The following COA1 variants were observed in gnomAD, a reference collection of about 807,000 sequenced individuals.
COA1 encodes the protein cytochrome c oxidase assembly factor 1 homolog.
Under a neutral mutation model 16.0 loss-of-function variants are expected in COA1, and 13 were observed. The observed-to-expected ratio is 0.81, with a 90% confidence interval of 0.53 to 1.29. COA1 has a LOEUF of 1.29. Ranked by LOEUF, COA1 falls within the 50% of genes most tolerant of loss-of-function variation. COA1 has a pLI of 0.00. For missense variants in COA1, 179 were observed against 177.0 expected (o/e 1.01, Z -0.06); for synonymous variants, 65 against 65.7 (o/e 0.99, Z 0.05).
chr7:43,683,467 C>T (rs1354946322), intron 1 of COA1, among the ~76,000 whole-genome samples: 2 of 151,912 alleles, frequency 1.3e-5, no homozygotes, highest in Non-Finnish European at 2.9e-5. Context: ...CTCATCTCTA[C>T]TAAAAAAATA....
At chr7:43,615,725 C>A (rs1289317936) in intron 6 of COA1, among the ~76,000 whole-genome samples, 1 of 152,202 alleles carries the variant, frequency 6.6e-6, no homozygotes, top group Non-Finnish European at 1.5e-5. Flanking sequence ...TTGCCTTGTG[C>A]TGTCGTCCAG....
chr7:43,721,386 A>T (rs185948996), intron 1 of COA1, among the ~76,000 whole-genome samples: 135 of 152,338 alleles, frequency 8.9e-4, no homozygotes, highest in African/African-American at 3.2e-3. Context: ...AAATCCTATT[A>T]TATAGCACAA....
chr7:43,647,833 C>T lies in COA1; in HGVS notation c.16-199G>A. On this transcript the variant is annotated intron_variant, in intron 2 of 5. Transcript: ENST00000223336. ...GAGTGCCCTCCTGAGGGTGCCCTCTCGAGAGTGGCCCATGTCCAGGACCCA... is the reference window on the plus strand; with the variant it reads ...GAGTGCCCTCCTGAGGGTGCCCTCTTGAGAGTGGCCCATGTCCAGGACCCA... 1.2e-5 allele frequency: 7 copies of T among 582,904 alleles called. No individual in the cohort carries two copies. The East Asian group carries it at 1.7e-4, about 14-fold the overall frequency. The allele number at this position is 582,904 out of a possible 1,614,324, so 36.1% of individuals were successfully genotyped here. A position where few individuals can be genotyped will look rare whatever the true frequency, so the allele number is the denominator to read the frequency against.
intron 1 of COA1, among the ~76,000 whole-genome samples, chr7:43,712,463 G>A (rs755661551): frequency 6.6e-5 from 10 of 151,994 alleles, no homozygotes; most frequent in Non-Finnish European, 1.2e-4. Context: ...ACACTTCCAG[G>A]GTGCTACATA....
chr7:43,722,577 A>G (rs2095530967), intron 1 of COA1, among the ~76,000 whole-genome samples: 1 of 150,450 alleles, frequency 6.6e-6, no homozygotes, highest in African/African-American at 2.5e-5. Context: ...TAATTTTTGT[A>G]TTTTTAGTAG....
intron 1 of COA1, among the ~76,000 whole-genome samples, chr7:43,695,877 C>T (rs1438288318): frequency 6.6e-6 from 1 of 152,196 alleles, no homozygotes; most frequent in African/African-American, 2.4e-5. Context: ...ACCCCAGGGC[C>T]TACAGCAACT....
intron 1 of COA1, among the ~76,000 whole-genome samples, chr7:43,726,556 T>C (rs1040493154): frequency 6.6e-6 from 1 of 152,230 alleles, no homozygotes; most frequent in African/African-American, 2.4e-5. Flanking sequence ...CCATACGGAA[T>C]GGCAAATTAT....
rs565188825 is a variant in COA1 at position 43,720,649 on chromosome 7, T to G, written c.-39+8780A>C. Among the ~76,000 whole-genome samples the G allele has an allele frequency of 1.6e-4, 24 of 152,326 alleles. No homozygotes were observed. The South Asian group carries it at 5.0e-3, about 32-fold the overall frequency. On this transcript the variant is annotated intron_variant, in intron 1 of 5. Transcript: ENST00000223336. ...GAGAGAGGTAAAGATGAAGTGGCCA[T>G]ATTTGAAAATATTTAGGAGGTAGAA...
intron 1 of COA1, among the ~76,000 whole-genome samples, chr7:43,691,327 A>G (rs188199380): frequency 0.019 from 1,692 of 90,356 alleles, 36 homozygotes; most frequent in Middle Eastern, 0.027. Context: ...GAAAGAAAGA[A>G]AGAGAAAGAG....
intron 1 of COA1, among the ~76,000 whole-genome samples, chr7:43,689,465 G>A (rs752174639): frequency 7.9e-5 from 12 of 152,156 alleles, no homozygotes; most frequent in Non-Finnish European, 1.0e-4. Flanking sequence ...TCAGCAGGCA[G>A]AATGTTTGGC....
chr7:43,629,352 G>C (rs1057478574), intron 6 of COA1, among the ~76,000 whole-genome samples: 5 of 152,084 alleles, frequency 3.3e-5, no homozygotes, highest in African/African-American at 1.2e-4. Flanking sequence ...GAAGCCTTGT[G>C]GATTTTTATT....
chr7:43,653,523 T>C (rs1027426924), intron 1 of COA1, among the ~76,000 whole-genome samples: 1 of 152,156 alleles, frequency 6.6e-6, no homozygotes, highest in Non-Finnish European at 1.5e-5. Flanking sequence ...ATACAAATGT[T>C]AGCGCTGACT....
chr7:43,677,816 A>AAAC (rs2093605109), intron 1 of COA1, among the ~76,000 whole-genome samples: 1 of 151,756 alleles, frequency 6.6e-6, no homozygotes, highest in African/African-American at 2.4e-5. Flanking sequence ...AAAAAAAAAA[A>AAAC]AAAAAAAAAT....
intron 1 of COA1, among the ~76,000 whole-genome samples, chr7:43,706,288 A>G (rs1242900124): frequency 1.3e-5 from 2 of 152,320 alleles, no homozygotes; most frequent in East Asian, 1.9e-4. Flanking sequence ...CTGTAATCCC[A>G]GTACTTTGGG....
intron 1 of COA1, among the ~76,000 whole-genome samples, chr7:43,680,816 A>C (rs1195293101): frequency 6.6e-6 from 1 of 152,096 alleles, no homozygotes; most frequent in Non-Finnish European, 1.5e-5. Flanking sequence ...AAAAAATACA[A>C]AAGAATTAGC....
At chr7:43,644,708 G>T (rs1277849744) in intron 4 of COA1, among the ~76,000 whole-genome samples, 5 of 47,346 alleles carry the variant, frequency 1.1e-4, no homozygotes, top group Non-Finnish European at 1.5e-4. Flanking sequence ...TAGATAGATA[G>T]ATTAGATAGA....
chr7:43,638,627 G>A (rs2086341863), downstream of COA1, among the ~76,000 whole-genome samples: 1 of 141,522 alleles, frequency 7.1e-6, no homozygotes, highest in Non-Finnish European at 1.5e-5. Flanking sequence ...CCAGGCTGGA[G>A]TGCAGTGATG....
intron 6 of COA1, among the ~76,000 whole-genome samples, chr7:43,627,252 AGG>A (rs1421565330): frequency 2.6e-5 from 4 of 152,244 alleles, no homozygotes; most frequent in Non-Finnish European, 2.9e-5. Context: ...AATGAAAACT[AGG>A]AGGTAATTAA....
intron 1 of COA1, among the ~76,000 whole-genome samples, chr7:43,694,450 T>G (rs74920080): frequency 6.6e-6 from 1 of 152,070 alleles, no homozygotes; most frequent in African/African-American, 2.4e-5. Flanking sequence ...AAACAACTCC[T>G]GTGAAAGTCT....
Sources: allele counts gnomAD v4.1 joint callset (sites outside exome capture counted in the v4.1 genomes callset), GRCh38; gene constraint gnomAD v4.1.1; transcripts MANE v1.5; gene names NCBI Gene and HGNC (gene_info 2026-07-23, HGNC 2026-07-21).